Variants in SCFD1 observed in about 807,000 individuals in gnomAD.
The protein encoded by SCFD1 is sec1 family domain-containing protein 1.
Under a neutral mutation model 103.2 loss-of-function variants are expected in SCFD1, and 37 were observed. The observed-to-expected ratio is 0.36, with a 90% confidence interval of 0.28 to 0.47. SCFD1 has a LOEUF of 0.47. Among genes scored for constraint, SCFD1 ranks in the 20% least tolerant of loss-of-function variants. The probability of loss-of-function intolerance (pLI) is 1.00; values close to 1 mark genes in which losing one functional copy is unlikely to be tolerated. For missense variants in SCFD1, 639 were observed against 761.2 expected (o/e 0.84, Z 1.89); for synonymous variants, 264 against 245.0 (o/e 1.08, Z -0.73).
At chr14:30,627,011 ATTAC>A (rs1357219684) in intron 1 of SCFD1, among the ~76,000 whole-genome samples, 3 of 152,200 alleles carry the variant, frequency 2.0e-5, no homozygotes. Flanking sequence ...GTTATTCTGT[ATTAC>A]TTAAAGCCTG....
At chr14:30,659,430 C>T (rs1887231288) in intron 10 of SCFD1, among the ~76,000 whole-genome samples, 1 of 152,104 alleles carries the variant, frequency 6.6e-6, no homozygotes, top group Non-Finnish European at 1.5e-5. Context: ...TCAGTAGCCA[C>T]CTGTGACTAT....
intron 7 of SCFD1, among the ~76,000 whole-genome samples, chr14:30,647,192 A>G (rs562319567): frequency 6.6e-6 from 1 of 152,194 alleles, no homozygotes; most frequent in South Asian, 2.1e-4. Context: ...TGCAATTTTA[A>G]TTTTTTAGAC....
intron 6 of SCFD1, among the ~76,000 whole-genome samples, chr14:30,640,343 A>G (rs1885146083): frequency 6.6e-6 from 1 of 152,176 alleles, no homozygotes; most frequent in East Asian, 1.9e-4. Context: ...GGATATAAGT[A>G]TTTGCTCAAT....
At chr14:30,705,950 T>TAAAAACAC (rs1305924932) in intron 18 of SCFD1, 65 bp downstream of exon 18, 6 of 1,274,592 alleles carry the variant, frequency 4.7e-6, no homozygotes, top group Non-Finnish European at 6.8e-6. Flanking sequence ...TTTCATGCCT[T>TAAAAACAC]AAAAACACAA....
chr14:30,637,510 A>C (rs1884846538), intron 4 of SCFD1, among the ~76,000 whole-genome samples: 1 of 152,102 alleles, frequency 6.6e-6, no homozygotes. Context: ...ACAAAATTTT[A>C]TTGGCATCAT....
intron 7 of SCFD1, among the ~76,000 whole-genome samples, chr14:30,648,690 T>A (rs1270742234): frequency 1.3e-5 from 2 of 152,164 alleles, no homozygotes; most frequent in Admixed American, 1.3e-4. Flanking sequence ...GGTAGCAGGA[T>A]CACTTGAGCT....
chr14:30,722,430 A>T, intron 22 of SCFD1, 64 bp from the exon 23 acceptor site: 1 of 1,214,710 alleles, frequency 8.2e-7, no homozygotes. Context: ...TTTTAACCTT[A>T]ATTTTAGAAG....
At chr14:30,710,296 A>AT (rs1157427130) in intron 19 of SCFD1, among the ~76,000 whole-genome samples, 13 of 142,274 alleles carry the variant, frequency 9.1e-5, no homozygotes, top group Admixed American at 3.7e-4. Flanking sequence ...CCCCATCTGT[A>AT]TATTTTTGCC....
At chr14:30,650,468 C>G in intron 8 of SCFD1, 97 bp from the exon 9 acceptor site, 1 of 710,320 alleles carries the variant, frequency 1.4e-6, no homozygotes, top group Non-Finnish European at 2.4e-6. Flanking sequence ...AAAGAAATTC[C>G]AGGTTTCTTG....
chr14:30,735,593 A>G lies in SCFD1; in HGVS notation c.1913A>G (p.Gln638Arg). The G allele has an allele frequency of 1.9e-6, 3 of 1,590,558 alleles. No individual in the cohort carries two copies. The South Asian group carries it at 3.4e-5, about 18-fold the overall frequency. ...TTTTGTGTTTTGTTTTAGTTGTCAC[A>G]ACTTGGACAAAAGTAACACAGAAGA... ...NATQFIKQLSQLGQK is the reference protein window; with the variant it reads ...NATQFIKQLSRLGQK Residue 638 changes from glutamine (Q) to arginine (R), a missense_variant, in exon 25 of 25, where the codon CAA becomes CGA. By Grantham distance (43) the Gln-to-Arg change is conservative. Transcript: ENST00000458591.
chr14:30,672,607 C>A (rs1888657733), intron 11 of SCFD1, among the ~76,000 whole-genome samples: 1 of 152,112 alleles, frequency 6.6e-6, no homozygotes, highest in Non-Finnish European at 1.5e-5. Context: ...TAGAGTTTGT[C>A]AAGATTAGTA....
intron 23 of SCFD1, among the ~76,000 whole-genome samples, chr14:30,724,884 G>T (rs746520685): frequency 6.6e-6 from 1 of 151,970 alleles, no homozygotes; most frequent in Non-Finnish European, 1.5e-5. Context: ...GAAGAGGTCC[G>T]GTTTGAGTTT....
rs1327340296 is a variant in SCFD1 at position 30,673,953 on chromosome 14, A to G, written c.1116A>G (p.Ile372Met). ...TAGAAGGGGAAGATGAAGGAGCCAT[A>G]AGTATGCTTTCTGACAATACCGCTA... ...MGLEGEDEGAISMLSDNTAKL... is the reference protein window; with the variant it reads ...MGLEGEDEGAMSMLSDNTAKL... The change falls in exon 13 of 25, where the codon ATA becomes ATG. Residue 372 changes from isoleucine (I) to methionine (M), a missense_variant. Transcript: ENST00000458591. The G allele has an allele frequency of 6.2e-7, 1 of 1,613,642 alleles. No homozygotes were observed. Among genetic ancestry groups the G allele is most frequent in the African/African-American group, 1.3e-5 (1 of 74,908 alleles).
At chr14:30,730,651 G>A (rs567216018) in intron 23 of SCFD1, among the ~76,000 whole-genome samples, 1,987 of 152,332 alleles carry the variant, frequency 0.013, 20 homozygotes, top group Non-Finnish European at 0.02. Context: ...CTGCATAAAT[G>A]TCTTCTTTTT....
At chr14:30,658,074 T>C (rs1317881834) in intron 10 of SCFD1, 1 of 455,324 alleles carries the variant, frequency 2.2e-6, no homozygotes, top group Non-Finnish European at 4.4e-6. Context: ...TATTATATCT[T>C]GGTTGCAGGA....
At chr14:30,719,594 T>TTAGA (rs1892515305) in intron 21 of SCFD1, among the ~76,000 whole-genome samples, 1 of 152,330 alleles carries the variant, frequency 6.6e-6, no homozygotes, top group East Asian at 1.9e-4. Context: ...ACAAATCCAT[T>TTAGA]TAGACGTTTA....
chr14:30,635,875 A>G (rs1484993883), intron 4 of SCFD1, among the ~76,000 whole-genome samples: 1 of 152,080 alleles, frequency 6.6e-6, no homozygotes, highest in Non-Finnish European at 1.5e-5. Context: ...TCCCACCAGT[A>G]GTGTGTGAGG....
At chr14:30,729,514 T>C (rs1450520338) in intron 23 of SCFD1, among the ~76,000 whole-genome samples, 1 of 152,244 alleles carries the variant, frequency 6.6e-6, no homozygotes, top group Non-Finnish European at 1.5e-5. Context: ...TGTATGGGTT[T>C]ATTTCTGAAC....
chr14:30,675,154 T>C (rs1888923364), intron 14 of SCFD1, 89 bp downstream of exon 14: 7 of 589,256 alleles, frequency 1.2e-5, no homozygotes, highest in Middle Eastern at 2.9e-4. Flanking sequence ...CATTATCTTA[T>C]TGAGTCCCCA....
Sources: allele counts gnomAD v4.1 joint callset (sites outside exome capture counted in the v4.1 genomes callset), GRCh38; gene constraint gnomAD v4.1.1; transcripts MANE v1.5; gene names NCBI Gene and HGNC (gene_info 2026-07-23, HGNC 2026-07-21).